POLE: variants seen among roughly 807,000 people sequenced by gnomAD.
The protein encoded by POLE is DNA polymerase epsilon, catalytic subunit, also known as DNA polymerase epsilon catalytic subunit A.
In POLE, 188 loss-of-function variants were observed where a neutral mutation model predicts 279.2. The observed-to-expected ratio is 0.67, with a 90% CI of 0.60 to 0.76. The LOEUF (loss-of-function observed/expected upper bound fraction) is 0.76. Ranked by LOEUF, POLE falls within the 30% of genes least tolerant of loss-of-function variation. The probability of loss-of-function intolerance (pLI) is 0.00; values close to 1 mark genes in which losing one functional copy is unlikely to be tolerated. For missense variants in POLE, 2,703 were observed against 3,016.7 expected, an observed-to-expected ratio of 0.90 and a Z score of 2.44; for synonymous variants, 1,214 against 1,172.5, an observed-to-expected ratio of 1.04 and a Z score of -0.72.
chr12:132,645,707 A>T (rs1266257992), intron 32 of POLE, among the ~76,000 whole-genome samples: 1 of 152,244 alleles, frequency 6.6e-6, no homozygotes, highest in Non-Finnish European at 1.5e-5. Context: ...CGTAACAACA[A>T]CCAGGAAAAT....
intron 26 of POLE, chr12:132,658,241 C>T (rs1273092024): frequency 2.6e-6 from 1 of 387,628 alleles, no homozygotes; most frequent in East Asian, 5.5e-5. Context: ...TACATAAACA[C>T]ATGCGTGTGC....
chr12:132,672,945 C>G (rs974596701), intron 14 of POLE, 106 bp from the exon 15 acceptor site: 1 of 1,075,862 alleles, frequency 9.3e-7, no homozygotes, highest in African/African-American at 1.6e-5. Context: ...GGAGAGAAAA[C>G]CTCGTGGTAA....
chr12:132,673,137 G>T (rs775126684), intron 14 of POLE, 27 bp downstream of exon 14: 1 of 1,419,030 alleles, frequency 7.0e-7, no homozygotes. Context: ...AGGAGGCCAG[G>T]GTGCCGACAG....
At position 132,685,300 on chromosome 12, in the gene POLE, G is replaced by A. The variant is rs182475545; in HGVS notation, c.62+1954C>T. 4.7e-5 allele frequency among the ~76,000 whole-genome samples: 7 copies of A among 149,514 alleles called. No individual in the cohort carries two copies. The East Asian group carries it at 1.4e-3, about 30-fold the overall frequency. On this transcript the variant is annotated intron_variant, in intron 1 of 48. Coordinates refer to ENST00000320574, the MANE Select transcript of POLE (RefSeq NM_006231.4). ...CATTGACTGGTTACTGTATCACACTGTCCCAGTACTCCACACAGGCTCTCA... is the reference window on the plus strand; with the variant it reads ...CATTGACTGGTTACTGTATCACACTATCCCAGTACTCCACACAGGCTCTCA...
rs1060504048 is a variant in POLE, at chr12:132,635,985, A to T, written c.5718T>A (p.Ser1906=). The change falls in exon 42 of 49, where the codon TCT becomes TCA. Residue 1906 remains serine (S), a synonymous_variant. Coordinates refer to ENST00000320574, the MANE Select transcript of POLE (RefSeq NM_006231.4). The part of the protein sequence containing the change: ...SKETFHSLTI[S]FSRCWEFLLW... ...GAAGAAATTCCCAGCATCGAGAGAA[A>T]GAAATTGTCAGAGAATGGAAGGTCT... 1.9e-6 allele frequency: 3 copies of T among 1,614,086 alleles called. No homozygotes were observed. Among genetic ancestry groups the T allele is most frequent in the Non-Finnish European group, 2.5e-6 (3 of 1,179,952 alleles).
rs940324248 is a variant in POLE at position 132,648,914 on chromosome 12, C to A, written c.4149+15G>T. ...TGCCCAGATGACTGCAGAGGCAGCA[C>A]CAGCTCCTCCCTACCTTGCGATACG... On this transcript the variant is annotated intron_variant, in intron 32 of 48. Transcript: ENST00000320574. 7 of 1,603,504 alleles carry A rather than the reference C, an allele frequency of 4.4e-6. No homozygotes were observed. The highest frequency in any genetic ancestry group is 6.0e-6 in the Non-Finnish European group (7 of 1,173,020).
rs138391248 is a variant in POLE, at chr12:132,661,066, G to A, written c.2963C>T (p.Ser988Leu). Reference sequence around the variant, plus strand: ...GCCCTTGAGGAAGGCCTCAAACACCGAGGATTGGAAGATCTTAATCAGCTG... The same window carrying A: ...GCCCTTGAGGAAGGCCTCAAACACCAAGGATTGGAAGATCTTAATCAGCTG... ...ELQLIKIFQS[S>L]VFEAFLKGST... Residue 988 changes from serine to leucine, a missense_variant, in exon 25 of 49, where the codon TCG (serine) becomes TTG (leucine). By Grantham distance (145) the Ser-to-Leu change is moderately radical (BLOSUM62 -2). Coordinates refer to ENST00000320574, the MANE Select transcript of POLE (RefSeq NM_006231.4). The surrounding 1 kb of genome is among the most constrained non-coding windows in gnomAD (Gnocchi z 4.1). 2.1e-5 allele frequency: 34 copies of A among 1,613,902 alleles called. No homozygotes were observed. The highest frequency in any genetic ancestry group is 2.2e-5 in the East Asian group (1 of 44,882).
intron 3 of POLE, 92 bp downstream of exon 3, chr12:132,680,515 C>T (rs2043143947): frequency 2.0e-6 from 2 of 991,196 alleles, no homozygotes; most frequent in Non-Finnish European, 1.6e-6. Flanking sequence ...GGCTGCTGTG[C>T]ACTGGAAGCC....
Position 132,639,155 on chromosome 12 carries a change from A to T in POLE, c.5522T>A (p.Leu1841His), listed in dbSNP as rs2042091274. The T allele has an allele frequency of 6.2e-7, 1 of 1,613,944 alleles. No homozygotes were observed. The highest frequency in any genetic ancestry group is 8.5e-7 in the Non-Finnish European group (1 of 1,179,994). Residue 1841 changes from leucine to histidine, a missense_variant, in exon 40 of 49, where the codon CTC becomes CAC. Leu to His is a moderately conservative substitution (Grantham distance 99). Transcript: ENST00000320574. The surrounding 1 kb of genome is among the most constrained non-coding windows in gnomAD (Gnocchi z 4.7). ...LLHDPALHRT[L>H]HNMMKKLFLQ... ...GAAGAGCTTCTTCATCATGTTGTGG[A>T]GTGTGCGGTGCAGGGCAGGGTCATG...
rs915611505 is a variant in POLE at position 132,675,142 on chromosome 12, G to A, written c.1226+256C>T. ...GGTCTGGGACCTGTCAGCTGAGTGC[G>A]TCTTTCCAGCGGCTTCCCCACCCCA... On this transcript the variant is annotated intron_variant, in intron 12 of 48. Transcript: ENST00000320574. This position sits in a 1 kb window ranked among gnomAD's most constrained non-coding sequence, Gnocchi z 4.3. Among the ~76,000 whole-genome samples, 5 of 152,208 alleles carry A rather than the reference G, an allele frequency of 3.3e-5. No homozygotes were observed. Among genetic ancestry groups the A allele is most frequent in the African/African-American group, 7.2e-5 (3 of 41,444 alleles).
rs1460370920 is a variant in POLE, at chr12:132,639,305, G to C, written c.5379-7C>G. The C allele has an allele frequency of 1.9e-6, 3 of 1,613,812 alleles. No homozygotes were observed. The highest frequency in any genetic ancestry group is 1.1e-5 in the South Asian group (1 of 91,076). On this transcript the variant is annotated splice_region_variant and splice_polypyrimidine_tract_variant and intron_variant, in intron 39 of 48. Coordinates refer to ENST00000320574, the MANE Select transcript of POLE (RefSeq NM_006231.4). The surrounding 1 kb of genome is among the most constrained non-coding windows in gnomAD (Gnocchi z 4.7). ...GACCATGCTCTTCAGGATCCTGAAA[G>C]AGAAGGTGCACGACACCCTCGTACC...
intron 32 of POLE, among the ~76,000 whole-genome samples, chr12:132,646,043 C>T (rs2042276425): frequency 6.6e-6 from 1 of 152,268 alleles, no homozygotes; most frequent in Admixed American, 6.5e-5. Context: ...TGAGCCTGGC[C>T]TCTCTTAGTG....
At chr12:132,671,625 T>C (rs974696132) in intron 16 of POLE, among the ~76,000 whole-genome samples, 3 of 134,804 alleles carry the variant, frequency 2.2e-5, no homozygotes, top group Admixed American at 1.8e-4. Context: ...GCCAAACTCA[T>C]GCCATTGCAC....
At chr12:132,654,427 A>G (rs1346564735) in intron 29 of POLE, among the ~76,000 whole-genome samples, 3 of 151,964 alleles carry the variant, frequency 2.0e-5, no homozygotes, top group Non-Finnish European at 4.4e-5. Context: ...TCAGGTTTTT[A>G]TTACTTCTTA....
Position 132,632,450 on chromosome 12 carries a change from G to A in POLE, c.6195C>T (p.Thr2065=), listed in dbSNP as rs1060504051. ...VANELTQSFF[T]ITQKIQKKVT... is the part of the protein sequence containing the mutation. ...CTTTCTTCTGAATCTTCTGAGTGAT[G>A]GTGAAGAAGCTCTGAGTGAGCTCAT... The change falls in exon 45 of 49, where the codon ACC becomes ACT. Residue 2065 remains threonine, a synonymous_variant. Coordinates refer to ENST00000320574, the MANE Select transcript of POLE (RefSeq NM_006231.4). The A allele has an allele frequency of 3.7e-6, 6 of 1,613,908 alleles. No individual in the cohort carries two copies. The highest frequency in any genetic ancestry group is 5.1e-6 in the Non-Finnish European group (6 of 1,179,774).
chr12:132,686,002 C>T (rs2043252756), intron 1 of POLE, among the ~76,000 whole-genome samples: 1 of 151,728 alleles, frequency 6.6e-6, no homozygotes. Flanking sequence ...CAGCCTCCTG[C>T]GTAGCTGGGA....
In POLE at chr12:132,672,699, G is replaced by T. The variant is rs1060504052; in HGVS notation, c.1614C>A (p.Thr538=). 8 of 1,614,174 alleles carry T rather than the reference G, an allele frequency of 5.0e-6. No individual in the cohort carries two copies. Among genetic ancestry groups the T allele is most frequent in the Non-Finnish European group, 5.1e-6 (6 of 1,180,046 alleles). ...TDDGHVLDSE[T]YVGGHVEALE... Reference sequence around the variant, plus strand: ...GGGCCTCCACGTGGCCCCCGACGTAGGTCTCAGAGTCCAGCACGTGTCCGT... The same window carrying T: ...GGGCCTCCACGTGGCCCCCGACGTATGTCTCAGAGTCCAGCACGTGTCCGT... Residue 538 remains threonine (T), a synonymous_variant, in exon 15 of 49, where the codon ACC becomes ACA. Transcript: ENST00000320574.
chr12:132,625,015 T>C (rs1322349174), intron 47 of POLE, 21 bp from the exon 48 acceptor site: 2 of 1,601,264 alleles, frequency 1.2e-6, no homozygotes, highest in South Asian at 1.1e-5. Flanking sequence ...GCAGCCCCGA[T>C]GGGCGCCAGC....
At position 132,667,489 on chromosome 12, in the gene POLE, C is replaced by T. The variant is rs779999569; in HGVS notation, c.2319+14G>A. ...CCTCACAGAGGCCAAAGCTTGCAGC[C>T]CCTCAGAGCTCACCTTGTGGAGCCC... On this transcript the variant is annotated intron_variant, in intron 20 of 48. Coordinates refer to ENST00000320574, the MANE Select transcript of POLE (RefSeq NM_006231.4). 5 of 1,612,934 alleles carry T rather than the reference C, an allele frequency of 3.1e-6. No homozygotes were observed. The highest frequency in any genetic ancestry group is 3.4e-6 in the Non-Finnish European group (4 of 1,179,000).
Sources: allele counts gnomAD v4.1 joint callset (sites outside exome capture counted in the v4.1 genomes callset), GRCh38; gene constraint gnomAD v4.1.1; non-coding constraint Gnocchi (gnomAD v3.1); transcripts MANE v1.5; gene names NCBI Gene and HGNC (gene_info 2026-07-23, HGNC 2026-07-21).